CEP350: variants seen among roughly 807,000 people sequenced by gnomAD.
The protein encoded by CEP350 is centrosomal protein 350.
A neutral mutation model predicts 331.8 loss-of-function variants in CEP350; 126 were observed. The observed-to-expected ratio is 0.38, with a 90% CI of 0.33 to 0.44. The LOEUF (loss-of-function observed/expected upper bound fraction) is 0.44, where lower values mean the gene tolerates loss of function less well. CEP350 is among the 20% of genes least tolerant of loss of function. The pLI is 1.00. For synonymous variants in CEP350, 1,200 were observed against 1,259.5 expected (o/e 0.95, Z 1.00); for missense variants, 3,406 against 3,634.6 (o/e 0.94, Z 1.62).
chr1:180,075,376 C>T (rs931420847), intron 28 of CEP350, among the ~76,000 whole-genome samples, 155 bp downstream of exon 28: 4 of 152,132 alleles, frequency 2.6e-5, no homozygotes, highest in Admixed American at 1.3e-4. Context: ...CGCCTGAGGC[C>T]AGGAGTTCAA....
chr1:180,006,876 TGTTA>T (rs1240365046), intron 8 of CEP350, among the ~76,000 whole-genome samples: 1 of 152,120 alleles, frequency 6.6e-6, no homozygotes, highest in Non-Finnish European at 1.5e-5. Context: ...TCTGTTCCTG[TGTTA>T]GTTTGCTGAG....
intron 25 of CEP350, among the ~76,000 whole-genome samples, chr1:180,060,140 A>G (rs2148999000): frequency 6.6e-6 from 1 of 152,372 alleles, no homozygotes; most frequent in East Asian, 1.9e-4. Flanking sequence ...AGCAAGTAAT[A>G]TATTTGCTAA....
chr1:180,054,373 A>G (rs754984480), intron 24 of CEP350, 42 bp from the exon 25 acceptor site: 208 of 1,450,314 alleles, frequency 1.4e-4, no homozygotes, highest in Non-Finnish European at 7.2e-5. Flanking sequence ...GGTAAGAGAA[A>G]TTTAATCAAA....
intron 25 of CEP350, among the ~76,000 whole-genome samples, chr1:180,061,354 G>A (rs538290530): frequency 2.0e-5 from 3 of 152,080 alleles, no homozygotes; most frequent in Middle Eastern, 6.8e-3. Flanking sequence ...GTGCCACCAC[G>A]CCTGGCTAAT....
intron 1 of CEP350, among the ~76,000 whole-genome samples, chr1:179,983,400 A>AG (rs1652427288): frequency 6.6e-6 from 1 of 151,828 alleles, no homozygotes; most frequent in Non-Finnish European, 1.5e-5. Flanking sequence ...ATGCCTGGCT[A>AG]ATTTTTGTAT....
At chr1:179,960,989 C>T (rs1650563897) in intron 1 of CEP350, among the ~76,000 whole-genome samples, 1 of 151,998 alleles carries the variant, frequency 6.6e-6, no homozygotes, top group African/African-American at 2.4e-5. Context: ...AACTTTTGAC[C>T]AGGACACCTA....
At chr1:180,051,097 T>C (rs1041986968) in intron 22 of CEP350, among the ~76,000 whole-genome samples, 1 of 152,240 alleles carries the variant, frequency 6.6e-6, no homozygotes, top group Non-Finnish European at 1.5e-5. Flanking sequence ...CATAGCAGCG[T>C]ATTCATAATT....
intron 37 of CEP350, among the ~76,000 whole-genome samples, chr1:180,103,619 G>A (rs1392143792): frequency 1.3e-5 from 2 of 152,070 alleles, no homozygotes; most frequent in Non-Finnish European, 2.9e-5. Flanking sequence ...ATGTCTAAAT[G>A]TGGATTTGCT....
chr1:180,075,571 AAAAAT>A (rs1246013971), intron 28 of CEP350, among the ~76,000 whole-genome samples: 1 of 152,110 alleles, frequency 6.6e-6, no homozygotes, highest in Non-Finnish European at 1.5e-5. Context: ...CTCTGTCTCT[AAAAAT>A]AAAATAAAAT....
At chr1:180,034,939 A>T (rs771072205) in intron 16 of CEP350, among the ~76,000 whole-genome samples, 8 of 152,226 alleles carry the variant, frequency 5.3e-5, no homozygotes. Context: ...TGACGAAGGG[A>T]TGTCAAAAGC....
intron 1 of CEP350, among the ~76,000 whole-genome samples, chr1:179,982,631 A>G (rs915976657): frequency 6.6e-6 from 1 of 152,222 alleles, no homozygotes; most frequent in Non-Finnish European, 1.5e-5. Flanking sequence ...GAAAATTGAT[A>G]ATCACTATAT....
Position 180,078,454 on chromosome 1 carries a change from T to A in CEP350, c.5768-9T>A. The A allele has an allele frequency of 1.9e-6, 3 of 1,593,376 alleles. No homozygotes were observed. In the South Asian group the frequency reaches 3.4e-5, roughly 18 times the overall value. Reference sequence around the variant, plus strand: ...TCTTTTTTTTCTTGTTTTCACCTTCTCTGTCTAGAAATAGCAAGTGAAGAG... The same window carrying A: ...TCTTTTTTTTCTTGTTTTCACCTTCACTGTCTAGAAATAGCAAGTGAAGAG... On this transcript the variant is annotated splice_polypyrimidine_tract_variant and intron_variant, in intron 28 of 37. Transcript: ENST00000367607.
chr1:180,090,671 A>G (rs1054331358), intron 32 of CEP350, 43 bp from the exon 33 acceptor site: 12 of 1,492,996 alleles, frequency 8.0e-6, no homozygotes, highest in Non-Finnish European at 1.1e-5. Flanking sequence ...ACCAGTTATT[A>G]TAGTAATATG....
Position 180,065,203 on chromosome 1 carries a change from C to T in CEP350, c.5498C>T (p.Ser1833Leu). 1 of 1,613,858 alleles carries T rather than the reference C, an allele frequency of 6.2e-7. No individual in the cohort carries two copies. Among genetic ancestry groups the T allele is most frequent in the Non-Finnish European group, 8.5e-7 (1 of 1,179,818 alleles). ...DLETRSPSPI[S>L]ISSSETSSIM... ...GAGACCCGCAGTCCTTCTCCCATTT[C>T]AATCTCCAGCAGTGAAACTAGCAGC... Residue 1833 changes from serine to leucine, a missense_variant, in exon 27 of 38, where the codon TCA becomes TTA. By Grantham distance (145) the Ser-to-Leu change is moderately radical. This residue lies in a region of CEP350 where 1,415 missense variants were observed against 1,512.3 expected (regional missense o/e 0.94). Coordinates refer to ENST00000367607, the MANE Select transcript of CEP350 (RefSeq NM_014810.5).
intron 36 of CEP350, among the ~76,000 whole-genome samples, chr1:180,098,032 G>A (rs145322337): frequency 0.011 from 1,748 of 152,234 alleles, 17 homozygotes; most frequent in Non-Finnish European, 0.018. Flanking sequence ...GTACAATGGC[G>A]TGATCTCAGC....
chr1:180,005,405 A>AC (rs1654188579), intron 7 of CEP350, among the ~76,000 whole-genome samples: 2 of 151,030 alleles, frequency 1.3e-5, no homozygotes, highest in Admixed American at 1.3e-4. Context: ...TGAGTATCAC[A>AC]CCCCCGCCTC....
At chr1:180,065,056 TATG>T in intron 26 of CEP350, 56 bp from the exon 27 acceptor site, 2 of 1,476,958 alleles carry the variant, frequency 1.4e-6, no homozygotes, top group South Asian at 2.8e-5. Flanking sequence ...TTGACAGTAT[TATG>T]ATGGCTTCAA....
intron 22 of CEP350, among the ~76,000 whole-genome samples, chr1:180,051,763 T>A (rs935908647): frequency 4.6e-5 from 7 of 152,284 alleles, no homozygotes; most frequent in African/African-American, 1.7e-4. Context: ...TAAGTAACTT[T>A]GGAAAATGGT....
At position 180,037,072 on chromosome 1, in the gene CEP350, C is replaced by T. The variant is rs1266933430; in HGVS notation, c.4093C>T (p.Leu1365=). 1 of 1,587,054 alleles carries T rather than the reference C, an allele frequency of 6.3e-7. No homozygotes were observed. The highest frequency in any genetic ancestry group is 8.5e-7 in the Non-Finnish European group (1 of 1,170,228). The change falls in exon 17 of 38, where the codon CTA becomes TTA. Residue 1365 remains leucine, a synonymous_variant. Coordinates refer to ENST00000367607, the MANE Select transcript of CEP350 (RefSeq NM_014810.5). ...ACTTGCTCAGCAGGAGAGTGTGTCT[C>T]TAGCTCAGATAATAAAGGTATTTTT... ...ISLAQQESVS[L]AQIIKAQQQR...
Sources: gnomAD v4.1 joint callset for allele counts (sites outside exome capture counted in the v4.1 genomes callset) on GRCh38, gnomAD v4.1.1 for gene constraint, gnomAD v4.1.1 regional missense constraint, MANE v1.5 for transcripts, NCBI Gene and HGNC (gene_info 2026-07-23, HGNC 2026-07-21) for gene names.